Variants in ZKSCAN1 observed in about 807,000 individuals in gnomAD.
The protein encoded by ZKSCAN1 is zinc finger protein with KRAB and SCAN domains 1.
In ZKSCAN1, 14 loss-of-function variants were observed where a neutral mutation model predicts 51.6. The observed-to-expected ratio is 0.27, with a 90% confidence interval of 0.18 to 0.42. The LOEUF is 0.42. ZKSCAN1 is among the 10% of genes least tolerant of loss of function. ZKSCAN1 has a pLI of 1.00. For synonymous variants in ZKSCAN1, 263 were observed against 261.5 expected, an observed-to-expected ratio of 1.01 and a Z score of -0.06; for missense variants, 531 against 710.0, an observed-to-expected ratio of 0.75 and a Z score of 2.86.
rs1791441596 is a variant in ZKSCAN1, at chr7:100,038,115, A to AT, written c.*3919dup. On this transcript the variant is annotated 3_prime_UTR_variant, in exon 6 of 6. Transcript: ENST00000324306. ...GGAAATGCTTTAAAAAAATAGCAAA[A>AT]TGTGCAACTTCTTACAAAAATTGTT... The AT allele has an allele frequency of 1.0e-6, 1 of 985,252 alleles. No homozygotes were observed. Among genetic ancestry groups the AT allele is most frequent in the Non-Finnish European group, 1.2e-6 (1 of 829,920 alleles). The allele number at this position is 985,252 out of a possible 1,614,324, so 61.0% of individuals were successfully genotyped here.
chr7:100,044,502 C>T (rs1420735533), downstream of ZKSCAN1, among the ~76,000 whole-genome samples: 1 of 151,452 alleles, frequency 6.6e-6, no homozygotes, highest in African/African-American at 2.4e-5. Context: ...TCCGTCTCTA[C>T]TAAAAAAAAT....
intron 1 of ZKSCAN1, 101 bp from the exon 2 acceptor site, chr7:100,023,318 C>T (rs754978728): frequency 8.8e-5 from 54 of 616,528 alleles, no homozygotes; most frequent in South Asian, 1.4e-4. Flanking sequence ...GCCTCAGGAG[C>T]GTTCTGATAG....
chr7:100,036,145 T>G lies in ZKSCAN1; in HGVS notation c.*1948T>G, dbSNP rs1482698099. The G allele has an allele frequency of 1.0e-6, 1 of 985,306 alleles. No individual in the cohort carries two copies. The highest frequency in any genetic ancestry group is 1.1e-4 in the East Asian group (1 of 8,834). The allele number at this position is 985,306 out of a possible 1,614,324, so 61.0% of individuals were successfully genotyped here. On this transcript the variant is annotated 3_prime_UTR_variant, in exon 6 of 6. Coordinates refer to ENST00000324306, the MANE Select transcript of ZKSCAN1 (RefSeq NM_003439.4). Reference sequence around the variant, plus strand: ...CTAAAACTGCACAGTGGTCATTCTTTGGCCTCTCCTTGGCTTTATGACTTA... The same window carrying G: ...CTAAAACTGCACAGTGGTCATTCTTGGGCCTCTCCTTGGCTTTATGACTTA...
chr7:100,023,639 C>T lies in ZKSCAN1; in HGVS notation c.133C>T (p.Gln45Ter). Residue 45 changes from glutamine (Q) to a stop codon, truncating the protein, a stop_gained, in exon 2 of 6, where the codon CAG becomes TAG. Coordinates refer to ENST00000324306, the MANE Select transcript of ZKSCAN1 (RefSeq NM_003439.4). LOFTEE classifies it high-confidence loss of function. ...DHMWGQDSTL[Q>*]DTPPPDPEIF... is the part of the protein sequence containing the mutation. ...CATGTGGGGGCAGGATTCCACCCTA[C>T]AGGACACGCCTCCTCCAGACCCAGA... 6.2e-7 allele frequency: 1 copy of T among 1,614,132 alleles called. No individual in the cohort carries two copies. Among genetic ancestry groups the T allele is most frequent in the Non-Finnish European group, 8.5e-7 (1 of 1,180,050 alleles).
rs577675842 is a variant in ZKSCAN1, at chr7:100,035,598, G to C, written c.*1401G>C. ...CGTGGTAGGGAGTGTTTTTTCCCAC[G>C]CTTTTCCAGTAACTTTGCAAAAGCA... On this transcript the variant is annotated 3_prime_UTR_variant, in exon 6 of 6. Transcript: ENST00000324306. 2.6e-5 allele frequency: 4 copies of C among 154,050 alleles called. No homozygotes were observed. Among genetic ancestry groups the C allele is most frequent in the African/African-American group, 9.7e-5 (4 of 41,430 alleles). 9.5% of individuals were successfully genotyped at this position (154,050 alleles called of 1,614,324 possible).
rs1174568539 is a variant in ZKSCAN1 at position 100,034,872 on chromosome 7, A to C, written c.*675A>C. On this transcript the variant is annotated 3_prime_UTR_variant, in exon 6 of 6. Transcript: ENST00000324306. Reference sequence around the variant, plus strand: ...GTAGATGGTTCTGTCCTCATCCCTGAGATCAGTTCTACTGAAATGGCAACA... The same window carrying C: ...GTAGATGGTTCTGTCCTCATCCCTGCGATCAGTTCTACTGAAATGGCAACA... 6.5e-6 allele frequency: 1 copy of C among 152,712 alleles called. No individual in the cohort carries two copies. Among genetic ancestry groups the C allele is most frequent in the African/African-American group, 2.4e-5 (1 of 41,446 alleles). 9.5% of individuals were successfully genotyped at this position (152,712 alleles called of 1,614,324 possible).
intron 3 of ZKSCAN1, among the ~76,000 whole-genome samples, chr7:100,027,476 C>T (rs1036344492): frequency 6.6e-6 from 1 of 150,774 alleles, no homozygotes; most frequent in Non-Finnish European, 1.5e-5. Context: ...CGTGGCCAGG[C>T]GTGGTGGCTC....
intron 3 of ZKSCAN1, among the ~76,000 whole-genome samples, chr7:100,027,126 G>A (rs912943869): frequency 2.0e-5 from 3 of 152,028 alleles, no homozygotes; most frequent in Admixed American, 6.6e-5. Context: ...GCGAAACGCC[G>A]TCTGTACTAA....
Position 100,023,734 on chromosome 7 carries a change from G to C in ZKSCAN1, c.228G>C (p.Arg76=), listed in dbSNP as rs1230153756. The C allele has an allele frequency of 6.2e-7, 1 of 1,614,188 alleles. No individual in the cohort carries two copies. Among genetic ancestry groups the C allele is most frequent in the South Asian group, 1.1e-5 (1 of 91,078 alleles). Residue 76 remains arginine (R), a synonymous_variant, in exon 2 of 6, where the codon CGG becomes CGC. Transcript: ENST00000324306. ...TTGGGCCCCGAGAGGCTCTCAGTCG[G>C]CTGAAGGAACTTTGTCATCAGTGGC... ...NTFGPREALS[R]LKELCHQWLR... is the part of the protein sequence containing the mutation.
Position 100,040,514 on chromosome 7 carries a change from T to C in ZKSCAN1, c.*6317T>C, listed in dbSNP as rs910638153. On this transcript the variant is annotated 3_prime_UTR_variant, in exon 6 of 6. Transcript: ENST00000324306. Reference sequence around the variant, plus strand: ...ATCTGTGAGTGATTGAAAGGTGATATTTAAAAACTTGGATTTCATTCCAGT... The same window carrying C: ...ATCTGTGAGTGATTGAAAGGTGATACTTAAAAACTTGGATTTCATTCCAGT... The C allele has an allele frequency of 2.0e-6, 2 of 985,342 alleles. No homozygotes were observed. The highest frequency in any genetic ancestry group is 3.5e-5 in the African/African-American group (2 of 57,242). The allele number at this position is 985,342 out of a possible 1,614,324, so 61.0% of individuals were successfully genotyped here.
downstream of ZKSCAN1, among the ~76,000 whole-genome samples, chr7:100,043,566 G>A (rs1187976640): frequency 6.6e-6 from 1 of 151,068 alleles, no homozygotes. Flanking sequence ...CAGAGACAGG[G>A]TCTTGCTATG....
intron 3 of ZKSCAN1, among the ~76,000 whole-genome samples, chr7:100,025,302 AC>A (rs1229898718): frequency 6.7e-6 from 1 of 148,650 alleles, no homozygotes; most frequent in Non-Finnish European, 1.5e-5. Context: ...AGCCTGGGTG[AC>A]AGAGAGTCTG....
rs113754728 is a variant in ZKSCAN1, at chr7:100,039,320, A to C, written c.*5123A>C. On this transcript the variant is annotated 3_prime_UTR_variant, in exon 6 of 6. Coordinates refer to ENST00000324306, the MANE Select transcript of ZKSCAN1 (RefSeq NM_003439.4). Reference sequence around the variant, plus strand: ...GAGACTCTGTCTCAAAAAAAGAAAAAAAAAAAAGAAAGAAAGAAAGAAAAT... The same window carrying C: ...GAGACTCTGTCTCAAAAAAAGAAAACAAAAAAAGAAAGAAAGAAAGAAAAT... 1 of 875,540 alleles carries C rather than the reference A, an allele frequency of 1.1e-6. No individual in the cohort carries two copies. The highest frequency in any genetic ancestry group is 1.4e-6 in the Non-Finnish European group (1 of 735,166). 54.2% of individuals were successfully genotyped at this position (875,540 alleles called of 1,614,324 possible).
At chr7:100,027,957 TAGTA>T (rs949539783) in intron 3 of ZKSCAN1, among the ~76,000 whole-genome samples, 2 of 152,088 alleles carry the variant, frequency 1.3e-5, no homozygotes, top group African/African-American at 4.8e-5. Flanking sequence ...AGTTGCTCTT[TAGTA>T]AATAGTTCTT....
At position 100,039,987 on chromosome 7, in the gene ZKSCAN1, T is replaced by G. The variant is rs1187803869; in HGVS notation, c.*5790T>G. On this transcript the variant is annotated 3_prime_UTR_variant, in exon 6 of 6. Coordinates refer to ENST00000324306, the MANE Select transcript of ZKSCAN1 (RefSeq NM_003439.4). Reference sequence around the variant, plus strand: ...AAGTTTTTCTAACATAGATTTAGGGTTTTTTTTTTTAGAGTGGACACACTA... The same window carrying G: ...AAGTTTTTCTAACATAGATTTAGGGGTTTTTTTTTTAGAGTGGACACACTA... 12 of 584,942 alleles carry G rather than the reference T, an allele frequency of 2.1e-5. No homozygotes were observed. Among genetic ancestry groups the G allele is most frequent in the Non-Finnish European group, 2.6e-5 (12 of 467,932 alleles). The allele number at this position is 584,942 out of a possible 1,614,324, so 36.2% of individuals were successfully genotyped here. A position where few individuals can be genotyped will look rare whatever the true frequency, so the allele number is the denominator to read the frequency against.
At chr7:100,030,213 TG>T in intron 4 of ZKSCAN1, 35 bp from the exon 5 acceptor site, 1 of 1,604,960 alleles carries the variant, frequency 6.2e-7, no homozygotes, top group Non-Finnish European at 8.5e-7. Flanking sequence ...TCCCTGAGTT[TG>T]GGGGGAAATG....
Position 100,033,327 on chromosome 7 carries a change from C to T in ZKSCAN1, c.822C>T (p.Asn274=), listed in dbSNP as rs1562827511. The T allele has an allele frequency of 7.5e-6, 12 of 1,608,300 alleles. No homozygotes were observed. The highest frequency in any genetic ancestry group is 3.4e-5 in the Admixed American group (2 of 58,526). ...FPQGGENRNE[N]EESTSKAETS... is the part of the protein sequence containing the mutation. Reference sequence around the variant, plus strand: ...CAGGTGGTGAAAACAGGAATGAGAACGAGGAGTCAACCTCAAAGGCTGAAA... The same window carrying T: ...CAGGTGGTGAAAACAGGAATGAGAATGAGGAGTCAACCTCAAAGGCTGAAA... Residue 274 remains asparagine (N), a synonymous_variant, in exon 6 of 6, where the codon AAC becomes AAT. Coordinates refer to ENST00000324306, the MANE Select transcript of ZKSCAN1 (RefSeq NM_003439.4). This position sits in a 1 kb window ranked among gnomAD's most constrained non-coding sequence, Gnocchi z 4.1.
intron 3 of ZKSCAN1, among the ~76,000 whole-genome samples, chr7:100,028,371 G>C (rs1362381668): frequency 6.6e-6 from 1 of 151,958 alleles, no homozygotes; most frequent in African/African-American, 2.4e-5. Context: ...AAAAGTACTT[G>C]GGTACAGTGG....
In ZKSCAN1 at chr7:100,029,881, C is replaced by G. The variant is rs148669042; in HGVS notation, c.601C>G (p.Pro201Ala). Reference sequence around the variant, plus strand: ...CCCAGCTCTTCCTGCTGCCCACATTCCTGCACCCCCTCATGAGGGTAGTCC... The same window carrying G: ...CCCAGCTCTTCCTGCTGCCCACATTGCTGCACCCCCTCATGAGGGTAGTCC... ...QSRALPAAHIPAPPHEGSPRD... is the reference protein window; with the variant it reads ...QSRALPAAHIAAPPHEGSPRD... The change falls in exon 4 of 6, where the codon CCT (proline) becomes GCT (alanine). Residue 201 changes from proline to alanine, a missense_variant. Physicochemically the swap from Pro to Ala is conservative, Grantham distance 27. Around this residue, in one of 2 missense-constraint regions of ZKSCAN1, gnomAD observed 403 missense variants for 490.5 expected, o/e 0.82. Transcript: ENST00000324306. The G allele has an allele frequency of 7.8e-3, 12,589 of 1,614,110 alleles. 84 individuals carry two copies. Among genetic ancestry groups the G allele is most frequent in the Middle Eastern group, 0.028 (168 of 6,062 alleles).
Sources: allele counts gnomAD v4.1 joint callset (sites outside exome capture counted in the v4.1 genomes callset), GRCh38; gene constraint gnomAD v4.1.1; regional missense constraint gnomAD v4.1.1; non-coding constraint Gnocchi (gnomAD v3.1); transcripts MANE v1.5; gene names NCBI Gene and HGNC (gene_info 2026-07-23, HGNC 2026-07-21).